MDM2: variants seen among roughly 807,000 people sequenced by gnomAD.
MDM2 encodes MDM2 proto-oncogene, also known as E3 ubiquitin-protein ligase Mdm2.
A neutral mutation model predicts 64.3 loss-of-function variants in MDM2; 11 were observed. That is an observed-to-expected ratio of 0.17 (90% CI 0.11 to 0.28). MDM2 has a LOEUF of 0.28. MDM2 is among the 10% of genes least tolerant of loss of function. The pLI, the probability that MDM2 is intolerant of heterozygous loss-of-function variation, is 1.00. For synonymous variants in MDM2, 194 were observed against 192.9 expected, an observed-to-expected ratio of 1.01 and a Z score of -0.05; for missense variants, 388 against 577.1, an observed-to-expected ratio of 0.67 and a Z score of 3.36.
chr12:68,839,604 G>GTGA lies in MDM2; in HGVS notation c.1250_1252dup (p.Val417_Lys418insMet), dbSNP rs747926648. ...CATTATTTATAGCAGCCAAGAAGATGTGAAAGAGTTTGAAAGGGAAGAAAC... is the reference window on the plus strand; with the variant it reads ...CATTATTTATAGCAGCCAAGAAGATGTGATGAAAGAGTTTGAAAGGGAAGAAAC... On this transcript the variant is annotated inframe_insertion, in exon 11 of 11. Coordinates refer to ENST00000258149, the MANE Select transcript of MDM2 (RefSeq NM_002392.6). 6.2e-7 allele frequency: 1 copy of GTGA among 1,613,744 alleles called. No individual in the cohort carries two copies. Among genetic ancestry groups the GTGA allele is most frequent in the East Asian group, 2.2e-5 (1 of 44,862 alleles).
intron 10 of MDM2, among the ~76,000 whole-genome samples, chr12:68,838,415 G>C (rs1883479692): frequency 6.6e-6 from 1 of 152,190 alleles, no homozygotes; most frequent in Non-Finnish European, 1.5e-5. Context: ...CAGTTACAAA[G>C]ATGAGAACAC....
chr12:68,842,344 G>C lies in MDM2; in HGVS notation c.*2495G>C. The C allele has an allele frequency of 2.0e-6, 1 of 496,030 alleles. No individual in the cohort carries two copies. Among genetic ancestry groups the C allele is most frequent in the South Asian group, 1.5e-5 (1 of 64,870 alleles). The allele number at this position is 496,030 out of a possible 1,614,324, so 30.7% of individuals were successfully genotyped here. A position where few individuals can be genotyped will look rare whatever the true frequency, so the allele number is the denominator to read the frequency against. ...AAGGAACGCAGCTGGAAGAAAAGAT[G>C]ATATAACAGTTAACAGGATGCAGAC... On this transcript the variant is annotated 3_prime_UTR_variant, in exon 11 of 11. Transcript: ENST00000258149.
At chr12:68,849,599 G>A (rs143189866), downstream of MDM2, 2,551 of 151,516 alleles carry the variant, frequency 0.017, 40 homozygotes, top group Non-Finnish European at 0.027. Context: ...TAGTAGAGAC[G>A]GGGTTTCACC....
chr12:68,842,464 G>A lies in MDM2; in HGVS notation c.*2615G>A, dbSNP rs1883856305. 4.8e-6 allele frequency: 2 copies of A among 416,778 alleles called. No individual in the cohort carries two copies. The highest frequency in any genetic ancestry group is 2.1e-5 in the African/African-American group (1 of 48,490). The allele number at this position is 416,778 out of a possible 1,614,324, so 25.8% of individuals were successfully genotyped here. ...GGAGACTTAGAACCTCTAAATTATT[G>A]ACTTATTTTTTATATAAGGTCACTC... On this transcript the variant is annotated 3_prime_UTR_variant, in exon 11 of 11. Coordinates refer to ENST00000258149, the MANE Select transcript of MDM2 (RefSeq NM_002392.6).
chr12:68,839,065 C>G (rs1348584386), intron 10 of MDM2, among the ~76,000 whole-genome samples: 1 of 151,394 alleles, frequency 6.6e-6, no homozygotes, highest in Non-Finnish European at 1.5e-5. Flanking sequence ...TACCTAAAAT[C>G]TATTCTTTTA....
intron 7 of MDM2, among the ~76,000 whole-genome samples, chr12:68,826,377 G>A (rs189545041): frequency 1.2e-4 from 18 of 151,974 alleles, no homozygotes; most frequent in East Asian, 3.9e-4. Flanking sequence ...GGCCTGGTGC[G>A]GTGGCTCACA....
intron 5 of MDM2, among the ~76,000 whole-genome samples, chr12:68,823,193 C>T (rs1468509859): frequency 6.6e-6 from 1 of 152,104 alleles, no homozygotes; most frequent in African/African-American, 2.4e-5. Context: ...TATGATAATG[C>T]ATAATTTCAA....
intron 6 of MDM2, 27 bp downstream of exon 6, chr12:68,824,457 A>T: frequency 1.2e-6 from 2 of 1,606,256 alleles, no homozygotes; most frequent in Non-Finnish European, 1.7e-6. Flanking sequence ...TCTCATTCTA[A>T]TGTAATATTA....
chr12:68,808,810 A>C (rs1387862307), intron 1 of MDM2: 2 of 676,400 alleles, frequency 3.0e-6, no homozygotes, highest in South Asian at 6.7e-5. Context: ...TCGGCGCGGG[A>C]GGTCCGGATG....
At chr12:68,835,715 C>T in intron 8 of MDM2, 114 bp from the exon 9 acceptor site, 2 of 983,278 alleles carry the variant, frequency 2.0e-6, no homozygotes, top group South Asian at 2.0e-5. Context: ...GCAGGCCCAT[C>T]CCCCAACTGT....
intron 3 of MDM2, 43 bp downstream of exon 3, chr12:68,813,671 G>T (rs774006696): frequency 3.6e-4 from 510 of 1,414,888 alleles, no homozygotes; most frequent in Non-Finnish European, 5.0e-4. Context: ...CTAGTTACAT[G>T]TAGCCATACT....
intron 8 of MDM2, among the ~76,000 whole-genome samples, chr12:68,833,287 A>T (rs1260348347): frequency 9.1e-6 from 1 of 110,044 alleles, no homozygotes; most frequent in South Asian, 2.5e-4. Context: ...ATAAATATAA[A>T]TATATATATT....
At chr12:68,815,587 T>A in intron 3 of MDM2, 1 of 397,532 alleles carries the variant, frequency 2.5e-6, no homozygotes, top group Non-Finnish European at 5.0e-6. Context: ...GACTACAGGC[T>A]TGTACCACTA....
chr12:68,820,485 T>G, intron 5 of MDM2, 111 bp downstream of exon 5: 3 of 785,148 alleles, frequency 3.8e-6, no homozygotes, highest in Non-Finnish European at 6.3e-6. Context: ...TTGCTTTAAT[T>G]AAATATTGTA....
rs1355108786 is a variant in MDM2 at position 68,842,876 on chromosome 12, T to C, written c.*3027T>C. 4.8e-6 allele frequency: 1 copy of C among 206,624 alleles called. No homozygotes were observed. Among genetic ancestry groups the C allele is most frequent in the African/African-American group, 2.3e-5 (1 of 43,742 alleles). The allele number at this position is 206,624 out of a possible 1,614,324, so 12.8% of individuals were successfully genotyped here. A position where few individuals can be genotyped will look rare whatever the true frequency, so the allele number is the denominator to read the frequency against. ...GGCCTTATATAATGAAGCCTAGTTA[T>C]GCTGGACTGTTTTGATCTCTTTTAA... On this transcript the variant is annotated 3_prime_UTR_variant, in exon 11 of 11. Transcript: ENST00000258149.
At chr12:68,846,678 T>C (rs1884317517), downstream of MDM2, 1 of 152,224 alleles carries the variant, frequency 6.6e-6, no homozygotes, top group Admixed American at 6.5e-5. Context: ...ATCTCTGATG[T>C]TCTACTGGAT....
chr12:68,822,293 C>T (rs1159235899), intron 5 of MDM2, among the ~76,000 whole-genome samples: 3 of 151,508 alleles, frequency 2.0e-5, no homozygotes, highest in East Asian at 3.9e-4. Context: ...ATTTAAAGCC[C>T]AGAAAAGTAT....
At chr12:68,831,534 T>C (rs1882797577) in intron 8 of MDM2, among the ~76,000 whole-genome samples, 1 of 152,094 alleles carries the variant, frequency 6.6e-6, no homozygotes, top group Non-Finnish European at 1.5e-5. Context: ...AGGACAACGG[T>C]GGGAATCGCC....
At position 68,843,719 on chromosome 12, in the gene MDM2, C is replaced by A; in HGVS notation, c.*3870C>A. ...CAAAACTCTCTCTCTCTCTCTCTGTCTGTCTCAATAAATGGCCAAAGGGAT... is the reference window on the plus strand; with the variant it reads ...CAAAACTCTCTCTCTCTCTCTCTGTATGTCTCAATAAATGGCCAAAGGGAT... On this transcript the variant is annotated 3_prime_UTR_variant, in exon 11 of 11. Transcript: ENST00000258149. 4.5e-6 allele frequency: 1 copy of A among 224,324 alleles called. No individual in the cohort carries two copies. Among genetic ancestry groups the A allele is most frequent in the Non-Finnish European group, 8.9e-6 (1 of 112,670 alleles). The allele number at this position is 224,324 out of a possible 1,614,324, so 13.9% of individuals were successfully genotyped here. A position where few individuals can be genotyped will look rare whatever the true frequency, so the allele number is the denominator to read the frequency against.
Sources: gnomAD v4.1 joint callset for allele counts (sites outside exome capture counted in the v4.1 genomes callset) on GRCh38, gnomAD v4.1.1 for gene constraint, MANE v1.5 for transcripts, NCBI Gene and HGNC (gene_info 2026-07-23, HGNC 2026-07-21) for gene names.